The following CALN1 variants were observed in gnomAD, a reference collection of about 807,000 sequenced individuals.
The protein encoded by CALN1 is calcium-binding protein 8.
In CALN1, 17 loss-of-function variants were observed where a neutral mutation model predicts 30.6. That is an observed-to-expected ratio of 0.56 (90% confidence interval 0.38 to 0.83). The LOEUF is 0.83. Ranked by LOEUF, CALN1 falls within the 40% of genes least tolerant of loss-of-function variation. The pLI, the probability that CALN1 is intolerant of heterozygous loss-of-function variation, is 0.00. For missense variants in CALN1, 291 were observed against 354.9 expected, an observed-to-expected ratio of 0.82 and a Z score of 1.45; for synonymous variants, 156 against 131.4, an observed-to-expected ratio of 1.19 and a Z score of -1.28.
chr7:72,404,574 C>G (rs1017011725), intron 1 of CALN1, among the ~76,000 whole-genome samples: 9 of 152,194 alleles, frequency 5.9e-5, no homozygotes, highest in Non-Finnish European at 1.2e-4. Context: ...TTGCAGCAGG[C>G]AATGGCTTCT....
intron 5 of CALN1, among the ~76,000 whole-genome samples, chr7:71,821,312 CA>C (rs2116320265): frequency 1.3e-5 from 2 of 152,236 alleles, no homozygotes; most frequent in East Asian, 3.9e-4. Context: ...AATCCGTTTT[CA>C]TATTCTTCTA....
At chr7:72,065,139 T>TATA (rs1803934058) in intron 4 of CALN1, among the ~76,000 whole-genome samples, 2 of 148,170 alleles carry the variant, frequency 1.3e-5, no homozygotes, top group East Asian at 2.0e-4. Flanking sequence ...TATATTTATA[T>TATA]TTTAAAATAT....
intron 2 of CALN1, among the ~76,000 whole-genome samples, chr7:72,301,320 C>T (rs1163103638): frequency 6.6e-6 from 1 of 151,854 alleles, no homozygotes; most frequent in Non-Finnish European, 1.5e-5. Flanking sequence ...CTCTTAAAAG[C>T]AAGCAGGCCG....
At chr7:72,076,475 G>A (rs1804735202) in intron 4 of CALN1, among the ~76,000 whole-genome samples, 1 of 151,176 alleles carries the variant, frequency 6.6e-6, no homozygotes, top group African/African-American at 2.4e-5. Flanking sequence ...GCGCATGCCT[G>A]TAATCCCAGC....
chr7:72,385,743 G>T (rs966257338), intron 2 of CALN1, among the ~76,000 whole-genome samples: 1 of 152,074 alleles, frequency 6.6e-6, no homozygotes, highest in African/African-American at 2.4e-5. Flanking sequence ...TCATGAGATC[G>T]AATGGTTTAA....
intron 3 of CALN1, among the ~76,000 whole-genome samples, chr7:72,228,215 A>G (rs1463234799): frequency 1.3e-5 from 2 of 151,930 alleles, no homozygotes; most frequent in Non-Finnish European, 2.9e-5. Context: ...GTTTGGTCAA[A>G]GAGAGAATGT....
At chr7:71,791,312 A>G (rs1793371743) in intron 6 of CALN1, among the ~76,000 whole-genome samples, 1 of 152,178 alleles carries the variant, frequency 6.6e-6, no homozygotes. Context: ...CTTTAGATAT[A>G]TACCCAATAA....
At chr7:72,403,465 T>TA (rs1448793682) in intron 1 of CALN1, 23 bp from the exon 2 acceptor site, 4 of 954,106 alleles carry the variant, frequency 4.2e-6, no homozygotes, top group East Asian at 5.3e-5. Context: ...GACAGAAACT[T>TA]ACAGCCTGCA....
intron 2 of CALN1, among the ~76,000 whole-genome samples, chr7:72,398,731 G>A (rs368440232): frequency 1.3e-5 from 2 of 152,306 alleles, no homozygotes; most frequent in South Asian, 2.1e-4. Context: ...GGTCCTGGGG[G>A]ACACCCCATT....
In CALN1 at chr7:72,101,218, G is replaced by A. The variant is rs776266455; in HGVS notation, c.388+4933C>T. Reference sequence around the variant, plus strand: ...TGACCTCAGATGATCCGCCTGCCTCGGCCTCCGATAACAGGTGCGATTGAC... The same window carrying A: ...TGACCTCAGATGATCCGCCTGCCTCAGCCTCCGATAACAGGTGCGATTGAC... On this transcript the variant is annotated intron_variant, in intron 4 of 6. Transcript: ENST00000395275. 1.4e-4 allele frequency among the ~76,000 whole-genome samples: 22 copies of A among 152,206 alleles called. 1 individual carries two copies. The highest frequency in any genetic ancestry group is 4.1e-4 in the South Asian group (2 of 4,822).
At chr7:71,996,000 T>G (rs2129528222) in intron 5 of CALN1, among the ~76,000 whole-genome samples, 2 of 152,144 alleles carry the variant, frequency 1.3e-5, no homozygotes, top group Middle Eastern at 3.4e-3. Context: ...TAAGAAAATC[T>G]TTTCTGCCCC....
Position 72,157,428 on chromosome 7 carries a change from G to A in CALN1, c.245-51134C>T, listed in dbSNP as rs187837749. ...GAGTTTGAGACCAACCTGTGCTACG[G>A]GAGGACTCAGGGGCTTCCAACAATG... On this transcript the variant is annotated intron_variant, in intron 3 of 6. Coordinates refer to ENST00000395275, the MANE Select transcript of CALN1 (RefSeq NM_031468.4). 8.8e-4 allele frequency among the ~76,000 whole-genome samples: 134 copies of A among 152,206 alleles called. 1 individual carries two copies. Among genetic ancestry groups the A allele is most frequent in the Admixed American group, 5.2e-3 (79 of 15,280 alleles).
intron 2 of CALN1, among the ~76,000 whole-genome samples, chr7:72,332,050 A>G (rs1460642457): frequency 6.6e-6 from 1 of 152,186 alleles, no homozygotes; most frequent in Non-Finnish European, 1.5e-5. Flanking sequence ...TTATGGCTGC[A>G]TAGTATTCCA....
upstream of CALN1, among the ~76,000 whole-genome samples, chr7:72,414,791 C>T (rs1807370698): frequency 6.6e-6 from 1 of 152,220 alleles, no homozygotes; most frequent in South Asian, 2.1e-4. Flanking sequence ...CAAGACTCCA[C>T]TGGTCATTTA....
At chr7:71,882,894 T>TGTGTG (rs1792669257) in intron 5 of CALN1, among the ~76,000 whole-genome samples, 2 of 99,124 alleles carry the variant, frequency 2.0e-5, no homozygotes, top group African/African-American at 7.7e-5. Context: ...GTGTGTGTGT[T>TGTGTG]TGTAAAGACA....
intron 1 of CALN1, among the ~76,000 whole-genome samples, chr7:72,411,797 T>TA (rs1807171390): frequency 6.8e-6 from 1 of 147,318 alleles, no homozygotes; most frequent in African/African-American, 2.7e-5. Flanking sequence ...TAATTACTCT[T>TA]TTAAAGTAAT....
chr7:72,316,256 G>A (rs902275242), intron 2 of CALN1, among the ~76,000 whole-genome samples: 9 of 151,924 alleles, frequency 5.9e-5, no homozygotes, highest in African/African-American at 2.2e-4. Context: ...ACCCATTTGT[G>A]GACTATGATG....
chr7:71,864,881 T>C (rs779143053), intron 5 of CALN1, among the ~76,000 whole-genome samples: 3 of 151,850 alleles, frequency 2.0e-5, no homozygotes, highest in Non-Finnish European at 2.9e-5. Flanking sequence ...ACACACCTGG[T>C]AGTACTAGTT....
chr7:71,887,908 G>C (rs566133048), intron 5 of CALN1, among the ~76,000 whole-genome samples: 1 of 152,026 alleles, frequency 6.6e-6, no homozygotes, highest in African/African-American at 2.4e-5. Context: ...AAATGATGGC[G>C]GCTTGGGTGT....
Sources: allele counts gnomAD v4.1 joint callset (sites outside exome capture counted in the v4.1 genomes callset), GRCh38; gene constraint gnomAD v4.1.1; transcripts MANE v1.5; gene names NCBI Gene and HGNC (gene_info 2026-07-23, HGNC 2026-07-21).